RANBP3: variants seen among roughly 807,000 people sequenced by gnomAD.
RANBP3 encodes the protein RAN binding protein 3.
In RANBP3, 14 loss-of-function variants were observed where a neutral mutation model predicts 77.3. The ratio of observed to expected loss-of-function variants is 0.18; its 90% CI spans 0.12 to 0.28. The LOEUF (loss-of-function observed/expected upper bound fraction) is 0.28, where lower values mean the gene tolerates loss of function less well. RANBP3 is among the 10% of genes least tolerant of loss of function. The pLI, the probability that RANBP3 is intolerant of heterozygous loss-of-function variation, is 1.00. For missense variants in RANBP3, 586 were observed against 752.3 expected (o/e 0.78, Z 2.59); for synonymous variants, 315 against 312.4 (o/e 1.01, Z -0.09).
At chr19:5,917,712 C>A (rs990512731) in intron 16 of RANBP3, 59 bp from the exon 17 acceptor site, 5 of 1,588,690 alleles carry the variant, frequency 3.1e-6, no homozygotes, top group Non-Finnish European at 4.3e-6. Flanking sequence ...GGTCTGGCCA[C>A]CCCCGCCAGG....
chr19:5,947,068 C>T (rs1191343275), intron 3 of RANBP3, among the ~76,000 whole-genome samples: 1 of 152,134 alleles, frequency 6.6e-6, no homozygotes, highest in Non-Finnish European at 1.5e-5. Flanking sequence ...AATCCCAGCA[C>T]TTTGGGAGGC....
At chr19:5,923,444 A>C in intron 12 of RANBP3, 141 bp from the exon 13 acceptor site, 2 of 737,802 alleles carry the variant, frequency 2.7e-6, no homozygotes, top group South Asian at 1.7e-5. Context: ...CGGCAACCCA[A>C]GTGGACCCTA....
chr19:5,928,726 TA>T (rs1316172513), intron 8 of RANBP3, among the ~76,000 whole-genome samples: 1 of 151,284 alleles, frequency 6.6e-6, no homozygotes, highest in Non-Finnish European at 1.5e-5. Flanking sequence ...TGTTACTTTC[TA>T]GGATTTCCAT....
chr19:5,923,106 T>C lies in RANBP3; in HGVS notation c.1209+88A>G, dbSNP rs1286685063. The C allele has an allele frequency of 1.8e-5, 19 of 1,050,036 alleles. No homozygotes were observed. The Admixed American group carries it at 3.2e-4, about 18-fold the overall frequency. 65.0% of individuals were successfully genotyped at this position (1,050,036 alleles called of 1,614,324 possible). On this transcript the variant is annotated intron_variant, in intron 13 of 16. Transcript: ENST00000340578. ...CCGTCATCTCAGGGGCAGGCCTGTG[T>C]GCTCAGAGGATGTGGGCCCAGCCCT...
intron 3 of RANBP3, among the ~76,000 whole-genome samples, chr19:5,949,140 G>C (rs556763019): frequency 6.6e-6 from 1 of 152,298 alleles, no homozygotes; most frequent in African/African-American, 2.4e-5. Context: ...GAACAGACTA[G>C]ATGTGACGGA....
chr19:5,922,836 C>T (rs966778407), intron 13 of RANBP3, among the ~76,000 whole-genome samples: 20 of 152,192 alleles, frequency 1.3e-4, no homozygotes, highest in Non-Finnish European at 2.8e-4. Context: ...GCTACTCAGG[C>T]GACTGAGGCA....
At chr19:5,934,814 G>A (rs993625806) in intron 5 of RANBP3, among the ~76,000 whole-genome samples, 12 of 152,212 alleles carry the variant, frequency 7.9e-5, no homozygotes, top group African/African-American at 2.2e-4. Context: ...CAGCCTGGGC[G>A]ACAGAGTGAG....
In RANBP3 at chr19:5,951,375, G is replaced by C; in HGVS notation, c.282+18C>G. 1.3e-6 allele frequency: 2 copies of C among 1,547,074 alleles called. No homozygotes were observed. The highest frequency in any genetic ancestry group is 1.7e-6 in the Non-Finnish European group (2 of 1,144,022). ...GCTCCCCCTGGGCGGTAGGAGTGCC[G>C]GGTAGGTGTGGACTTACCCCTGCCA... On this transcript the variant is annotated intron_variant, in intron 3 of 16. Coordinates refer to ENST00000340578, the MANE Select transcript of RANBP3 (RefSeq NM_007322.3).
intron 5 of RANBP3, chr19:5,935,754 G>T (rs1267261134): frequency 2.2e-6 from 1 of 456,772 alleles, no homozygotes; most frequent in Non-Finnish European, 4.4e-6. Flanking sequence ...TGCTCCAGGG[G>T]TAGCCAAAAT....
intron 1 of RANBP3, among the ~76,000 whole-genome samples, chr19:5,968,987 C>T (rs1406749915): frequency 2.0e-5 from 3 of 152,112 alleles, no homozygotes; most frequent in Non-Finnish European, 4.4e-5. Flanking sequence ...GGTAAGGCCT[C>T]GCTGAAGCTC....
At chr19:5,964,227 A>C (rs754700355) in intron 1 of RANBP3, among the ~76,000 whole-genome samples, 1 of 152,148 alleles carries the variant, frequency 6.6e-6, no homozygotes, top group Admixed American at 6.5e-5. Context: ...GAAGCAAGCC[A>C]GCCCCAGCAC....
chr19:5,971,171 A>G (rs1484749618), intron 1 of RANBP3, among the ~76,000 whole-genome samples: 1 of 152,214 alleles, frequency 6.6e-6, no homozygotes, highest in African/African-American at 2.4e-5. Flanking sequence ...AACCTAAGAC[A>G]ATTTCAAAAT....
chr19:5,917,288 C>A lies in RANBP3; in HGVS notation c.*322G>T. 7.3e-6 allele frequency: 3 copies of A among 410,406 alleles called. No homozygotes were observed. The highest frequency in any genetic ancestry group is 3.0e-5 in the South Asian group (1 of 33,532). The allele number at this position is 410,406 out of a possible 1,614,324, so 25.4% of individuals were successfully genotyped here. A position where few individuals can be genotyped will look rare whatever the true frequency, so the allele number is the denominator to read the frequency against. On this transcript the variant is annotated 3_prime_UTR_variant, in exon 17 of 17. Transcript: ENST00000340578. ...TGGCTGGACCCAGAGGCTGGCGACA[C>A]GCGGGGTGAAGGAACGAGGTCTCCA...
At chr19:5,974,221 C>T (rs2058562515) in intron 1 of RANBP3, 1 of 152,356 alleles carries the variant, frequency 6.6e-6, no homozygotes, top group East Asian at 1.9e-4. Context: ...AACTGCACCA[C>T]ACAAAGGTGA....
chr19:5,948,216 C>T (rs1413420124), intron 3 of RANBP3, among the ~76,000 whole-genome samples: 1 of 152,122 alleles, frequency 6.6e-6, no homozygotes, highest in South Asian at 2.1e-4. Flanking sequence ...TTTGGGAGGC[C>T]GAGGTCGGCG....
intron 5 of RANBP3, among the ~76,000 whole-genome samples, chr19:5,937,291 C>T (rs1234628985): frequency 1.3e-5 from 2 of 152,052 alleles, no homozygotes; most frequent in African/African-American, 2.4e-5. Flanking sequence ...AGCACGGCCA[C>T]CCCGTGCTGG....
chr19:5,930,813 C>G (rs1453192587), intron 8 of RANBP3, among the ~76,000 whole-genome samples: 1 of 152,210 alleles, frequency 6.6e-6, no homozygotes, highest in African/African-American at 2.4e-5. Flanking sequence ...AAGCAATCCA[C>G]CTGCCGCGGC....
intron 5 of RANBP3, among the ~76,000 whole-genome samples, chr19:5,939,380 G>A (rs763842142): frequency 2.7e-4 from 41 of 152,138 alleles, no homozygotes; most frequent in Non-Finnish European, 5.4e-4. Flanking sequence ...AAGAGTTGGG[G>A]GAAAAATTTT....
At chr19:5,977,931 G>A in intron 1 of RANBP3, 130 bp downstream of exon 1, 3 of 1,240,078 alleles carry the variant, frequency 2.4e-6, no homozygotes, top group Non-Finnish European at 2.2e-6. Flanking sequence ...TGCAAGGCCC[G>A]CCACGGCGCT....
Sources: allele counts gnomAD v4.1 joint callset (sites outside exome capture counted in the v4.1 genomes callset), GRCh38; gene constraint gnomAD v4.1.1; transcripts MANE v1.5; gene names NCBI Gene and HGNC (gene_info 2026-07-23, HGNC 2026-07-21).